TBL2: variants seen among roughly 807,000 people sequenced by gnomAD.
TBL2 encodes the protein transducin beta-like protein 2.
In TBL2, 33 loss-of-function variants were observed where a neutral mutation model predicts 41.8. That is an observed-to-expected ratio of 0.79 (90% confidence interval 0.60 to 1.06). The LOEUF (loss-of-function observed/expected upper bound fraction) is 1.06, where lower values mean the gene tolerates loss of function less well. Among genes scored for constraint, TBL2 ranks in the 50% least tolerant of loss-of-function variants. The pLI, the probability that TBL2 is intolerant of heterozygous loss-of-function variation, is 0.00. For missense variants in TBL2, 522 were observed against 603.8 expected (o/e 0.86, Z 1.42); for synonymous variants, 239 against 241.7 (o/e 0.99, Z 0.10).
intron 5 of TBL2, 78 bp from the exon 6 acceptor site, chr7:73,571,419 T>C: frequency 6.3e-7 from 1 of 1,577,488 alleles, no homozygotes; most frequent in Non-Finnish European, 8.7e-7. Context: ...ATCTCTTTCC[T>C]GAGAAAGTTG....
At chr7:73,573,204 C>A in intron 4 of TBL2, 116 bp downstream of exon 4, 1 of 1,478,094 alleles carries the variant, frequency 6.8e-7, no homozygotes, top group South Asian at 1.3e-5. Flanking sequence ...GAGCCAGGGA[C>A]CCCTTGTTCC....
chr7:73,573,637 T>TAAG (rs1157737169), intron 3 of TBL2, among the ~76,000 whole-genome samples, 166 bp from the exon 4 acceptor site: 1 of 151,904 alleles, frequency 6.6e-6, no homozygotes, highest in South Asian at 2.1e-4. Context: ...CCTCAAAAGG[T>TAAG]AAGATTCTGA....
Position 73,574,407 on chromosome 7 carries a change from G to A in TBL2, c.237C>T (p.His79=), listed in dbSNP as rs1427771460. The A allele has an allele frequency of 6.2e-7, 1 of 1,613,774 alleles. No individual in the cohort carries two copies. The highest frequency in any genetic ancestry group is 8.5e-7 in the Non-Finnish European group (1 of 1,180,036). The change falls in exon 2 of 7, where the codon CAC becomes CAT. Residue 79 remains histidine, a synonymous_variant. Transcript: ENST00000305632. ...KEKPQQHNFT[H]RLLAAALKSH... ...CCTTCAGAGCTGCAGCCAGGAGGCGGTGGGTGAAGTTGTGTTGTTGAGGCT... is the reference window on the plus strand; with the variant it reads ...CCTTCAGAGCTGCAGCCAGGAGGCGATGGGTGAAGTTGTGTTGTTGAGGCT...
At position 73,574,441 on chromosome 7, in the gene TBL2, C is replaced by G. The variant is rs144900423; in HGVS notation, c.203G>C (p.Arg68Pro). Reference protein sequence around the residue: ...SKKQKQYQRIRKEKPQQHNFT... With the variant: ...SKKQKQYQRIPKEKPQQHNFT... ...GTTGTGTTGTTGAGGCTTCTCCTTCCGAATCCGCTGATATTGTTTCTGCTT... is the reference window on the plus strand; with the variant it reads ...GTTGTGTTGTTGAGGCTTCTCCTTCGGAATCCGCTGATATTGTTTCTGCTT... Residue 68 changes from arginine to proline, a missense_variant, in exon 2 of 7, where the codon CGG (arginine) becomes CCG (proline). By Grantham distance (103) the Arg-to-Pro change is moderately radical. Transcript: ENST00000305632. 1.9e-6 allele frequency: 3 copies of G among 1,614,046 alleles called. No homozygotes were observed. The highest frequency in any genetic ancestry group is 2.5e-6 in the Non-Finnish European group (3 of 1,180,042).
intron 3 of TBL2, 68 bp from the exon 4 acceptor site, chr7:73,573,539 C>A: frequency 1.3e-6 from 2 of 1,593,614 alleles, no homozygotes; most frequent in Non-Finnish European, 1.7e-6. Context: ...AGGTCCTGTG[C>A]TGGGTTCTCG....
intron 1 of TBL2, among the ~76,000 whole-genome samples, chr7:73,577,070 T>A (rs1793366422): frequency 6.6e-6 from 1 of 151,492 alleles, no homozygotes; most frequent in South Asian, 2.1e-4. Flanking sequence ...CCATCCTGGC[T>A]AACACAGTGA....
At chr7:73,573,169 G>A in intron 4 of TBL2, 151 bp downstream of exon 4, 1 of 1,383,244 alleles carries the variant, frequency 7.2e-7, no homozygotes. Context: ...AGGGACTCCA[G>A]GGGAGCACAG....
intron 1 of TBL2, chr7:73,576,636 A>G (rs1385508820): frequency 2.2e-6 from 1 of 456,482 alleles, no homozygotes; most frequent in East Asian, 6.9e-5. Context: ...ATTGAGTCAC[A>G]AAGCTGGCAT....
intron 5 of TBL2, 41 bp downstream of exon 5, chr7:73,572,803 G>A (rs1554587911): frequency 6.2e-7 from 1 of 1,613,372 alleles, no homozygotes; most frequent in Admixed American, 1.7e-5. Context: ...CCCAGCCCCA[G>A]CCTCTCGTGG....
At position 73,570,772 on chromosome 7, in the gene TBL2, C is replaced by G. The variant is rs782487301; in HGVS notation, c.1079G>C (p.Arg360Pro). The change falls in exon 7 of 7, where the codon CGG becomes CCG. Residue 360 changes from arginine (R) to proline (P), a missense_variant. Transcript: ENST00000305632. ...AAAGCACTCCTCCTTCTCGCCCCGCCGGGTATTGTAGAGATGAATACTACT... is the reference window on the plus strand; with the variant it reads ...AAAGCACTCCTCCTTCTCGCCCCGCGGGGTATTGTAGAGATGAATACTACT... ...SGSSIHLYNT[R>P]RGEKEECFER... 2.5e-6 allele frequency: 4 copies of G among 1,614,022 alleles called. No homozygotes were observed. The highest frequency in any genetic ancestry group is 3.4e-6 in the Non-Finnish European group (4 of 1,180,048).
At chr7:73,578,057 T>C (rs1490523270) in intron 1 of TBL2, 4 of 559,306 alleles carry the variant, frequency 7.2e-6, no homozygotes, top group Middle Eastern at 4.7e-4. Flanking sequence ...CACAGGGTCA[T>C]AGATGCCCAG....
At position 73,572,850 on chromosome 7, in the gene TBL2, C is replaced by T; in HGVS notation, c.719G>A (p.Cys240Tyr). 6.2e-7 allele frequency: 1 copy of T among 1,614,098 alleles called. No individual in the cohort carries two copies. Among genetic ancestry groups the T allele is most frequent in the Non-Finnish European group, 8.5e-7 (1 of 1,179,970 alleles). The change falls in exon 5 of 7, where the codon TGT becomes TAT. Residue 240 changes from cysteine to tyrosine, a missense_variant. Physicochemically the swap from Cys to Tyr is radical, Grantham distance 194 (BLOSUM62 -2). Coordinates refer to ENST00000305632, the MANE Select transcript of TBL2 (RefSeq NM_012453.4). ...MNNTHAAVSP[C>Y]GRFVASCGFT... ...AATACCCCTCCTTGCCCACCTGCCA[C>T]AGGGAGATACAGCAGCGTGTGTGTT...
Position 73,578,490 on chromosome 7 carries a change from G to A in TBL2, c.60C>T (p.Ala20=). 1 of 1,586,982 alleles carries A rather than the reference G, an allele frequency of 6.3e-7. No individual in the cohort carries two copies. Among genetic ancestry groups the A allele is most frequent in the Non-Finnish European group, 8.6e-7 (1 of 1,169,466 alleles). Residue 20 remains alanine (A), a synonymous_variant, in exon 1 of 7, where the codon GCC becomes GCT. Coordinates refer to ENST00000305632, the MANE Select transcript of TBL2 (RefSeq NM_012453.4). The stretch of plus-strand genomic sequence containing the variant: ...GCGCTACCGCCGCCGTCGCCATCAG[G>A]GCCAGCAGCCCAAGCAACACCGACA... The part of the protein sequence containing the change: ...MGLSVLLGLL[A]LMATAAVARG...
chr7:73,577,643 T>G (rs1348681494), intron 1 of TBL2, among the ~76,000 whole-genome samples: 1 of 152,190 alleles, frequency 6.6e-6, no homozygotes, highest in Non-Finnish European at 1.5e-5. Flanking sequence ...TACTAACCTC[T>G]TCTATGAAAC....
chr7:73,572,141 G>A (rs1159657532), intron 5 of TBL2: 1 of 159,930 alleles, frequency 6.3e-6, no homozygotes, highest in African/African-American at 2.4e-5. Context: ...CTTGTTCTAA[G>A]ATATGTAACA....
rs540726524 is a variant in TBL2 at position 73,570,548 on chromosome 7, C to T, written c.1303G>A (p.Ala435Thr). The change falls in exon 7 of 7, where the codon GCC becomes ACC. Residue 435 changes from alanine (A) to threonine (T), a missense_variant. By Grantham distance (58) the Ala-to-Thr change is moderately conservative (BLOSUM62 0). Coordinates refer to ENST00000305632, the MANE Select transcript of TBL2 (RefSeq NM_012453.4). ...CCCAGGCTCTTCAGGGTCTCTTGGG[C>T]CTGGGTCAGCTGCTGCTGCAGCCTC... is the stretch of plus-strand genomic sequence containing the variant. ...RQRLQQQLTQ[A>T]QETLKSLGAL... 2 of 1,599,032 alleles carry T rather than the reference C, an allele frequency of 1.3e-6. No homozygotes were observed. The highest frequency in any genetic ancestry group is 3.5e-5 in the Admixed American group (2 of 57,798).
At position 73,567,964 on chromosome 7, in the gene TBL2, C is replaced by T. The variant is rs1313148474; in HGVS notation, c.*2543G>A. ...GCCACTTCCTGTCCTGGATACACAACGGGAGTAATGCCAGAGCTGCTTCTA... is the reference window on the plus strand; with the variant it reads ...GCCACTTCCTGTCCTGGATACACAATGGGAGTAATGCCAGAGCTGCTTCTA... On this transcript the variant is annotated 3_prime_UTR_variant, in exon 7 of 7. Transcript: ENST00000305632. 3.9e-5 allele frequency among the ~76,000 whole-genome samples: 6 copies of T among 152,156 alleles called. No individual in the cohort carries two copies. Among genetic ancestry groups the T allele is most frequent in the African/African-American group, 1.2e-4 (5 of 41,422 alleles).
At position 73,568,434 on chromosome 7, in the gene TBL2, G is replaced by A. The variant is rs924903773; in HGVS notation, c.*2073C>T. On this transcript the variant is annotated 3_prime_UTR_variant, in exon 7 of 7. Coordinates refer to ENST00000305632, the MANE Select transcript of TBL2 (RefSeq NM_012453.4). ...CAATTTCTGCTGGATTCCTGAATAA[G>A]TAGCAGCCACCCCCCATCCTGCAGG... 1.2e-4 allele frequency among the ~76,000 whole-genome samples: 19 copies of A among 152,136 alleles called. No individual in the cohort carries two copies. The highest frequency in any genetic ancestry group is 4.6e-4 in the African/African-American group (19 of 41,426).
At position 73,573,948 on chromosome 7, in the gene TBL2, G is replaced by T; in HGVS notation, c.436C>A (p.Pro146Thr). The change falls in exon 3 of 7, where the codon CCT (proline) becomes ACT (threonine). Residue 146 changes from proline to threonine, a missense_variant. Transcript: ENST00000305632. ...LDHATLVRFS[P>T]DCRAFIVWLA... ...TCCGTCTTGTCCCACCTGCAGTCAG[G>T]GCTGAAGCGCACCAGGGTGGCGTGG... 1.9e-6 allele frequency: 3 copies of T among 1,613,446 alleles called. No individual in the cohort carries two copies. Among genetic ancestry groups the T allele is most frequent in the Non-Finnish European group, 1.7e-6 (2 of 1,179,978 alleles).
Sources: gnomAD v4.1 joint callset for allele counts (sites outside exome capture counted in the v4.1 genomes callset) on GRCh38, gnomAD v4.1.1 for gene constraint, MANE v1.5 for transcripts, NCBI Gene and HGNC (gene_info 2026-07-23, HGNC 2026-07-21) for gene names.